Variants in TRIM2 observed in about 807,000 individuals in gnomAD.
The protein encoded by TRIM2 is tripartite motif-containing protein 2.
In TRIM2, 20 loss-of-function variants were observed where a neutral mutation model predicts 75.2. That is an observed-to-expected ratio of 0.27 (90% CI 0.19 to 0.39). TRIM2 has a LOEUF of 0.39. Ranked by LOEUF, TRIM2 falls within the 10% of genes least tolerant of loss-of-function variation. The pLI is 1.00. For missense variants in TRIM2, 660 were observed against 990.8 expected (o/e 0.67, Z 4.48); for synonymous variants, 373 against 388.3 (o/e 0.96, Z 0.46).
intron 8 of TRIM2, among the ~76,000 whole-genome samples, chr4:153,321,370 G>A (rs577950558): frequency 1.2e-4 from 19 of 152,252 alleles, no homozygotes; most frequent in African/African-American, 3.6e-4. Flanking sequence ...TTCTTTATAC[G>A]TAGTCTAGAA....
At chr4:153,160,589 A>ATGTT (rs764210678) in intron 1 of TRIM2, among the ~76,000 whole-genome samples, 71 of 151,494 alleles carry the variant, frequency 4.7e-4, no homozygotes, top group East Asian at 1.2e-3. Flanking sequence ...GCTTCAAGGG[A>ATGTT]TGTTTGTTTG....
chr4:153,207,245 T>G (rs1177991192), intron 1 of TRIM2, among the ~76,000 whole-genome samples: 1 of 152,118 alleles, frequency 6.6e-6, no homozygotes, highest in Non-Finnish European at 1.5e-5. Context: ...TTCGCTAAAT[T>G]CCAGGAAGGG....
At chr4:153,275,372 T>A (rs1757779713) in intron 2 of TRIM2, among the ~76,000 whole-genome samples, 1 of 152,212 alleles carries the variant, frequency 6.6e-6, no homozygotes, top group South Asian at 2.1e-4. Context: ...TATTTCCACT[T>A]TGATGTGTTT....
chr4:153,235,370 G>A (rs948904112), intron 1 of TRIM2, among the ~76,000 whole-genome samples: 2 of 151,098 alleles, frequency 1.3e-5, no homozygotes, highest in African/African-American at 4.9e-5. Context: ...CTACAGCCTT[G>A]ACCTCCCGAG....
At position 153,273,270 on chromosome 4, in the gene TRIM2, C is replaced by CTTTTTTTTTTTTTTTTTTTTTTTT. The variant is rs72414117; in HGVS notation, c.216-2600_216-2599insTTTTTTTTTTTTTTTTTTTTTTTT. Among the ~76,000 whole-genome samples the CTTTTTTTTTTTTTTTTTTTTTTTT allele has an allele frequency of 3.0e-4, 17 of 57,390 alleles. 1 individual carries two copies. The highest frequency in any genetic ancestry group is 5.6e-4 in the African/African-American group (8 of 14,298). 37.7% of individuals were successfully genotyped at this position (57,390 alleles called of 152,430 possible). A position where few individuals can be genotyped will look rare whatever the true frequency, so the allele number is the denominator to read the frequency against. On this transcript the variant is annotated intron_variant, in intron 2 of 11. Coordinates refer to ENST00000338700, the MANE Select transcript of TRIM2 (RefSeq NM_015271.5). Reference sequence around the variant, plus strand: ...ACTCAGTGAGCACCTTACAGTCACTCTTTTTTTTTTTTTTTTTTTTTTTGA... The same window carrying CTTTTTTTTTTTTTTTTTTTTTTTT: ...ACTCAGTGAGCACCTTACAGTCACTCTTTTTTTTTTTTTTTTTTTTTTTTTTTTTTTTTTTTTTTTTTTTTTTGA...
At position 153,294,499 on chromosome 4, in the gene TRIM2, C is replaced by G; in HGVS notation, c.786+14C>G. The G allele has an allele frequency of 6.2e-7, 1 of 1,610,860 alleles. No homozygotes were observed. Among genetic ancestry groups the G allele is most frequent in the Non-Finnish European group, 8.5e-7 (1 of 1,177,922 alleles). The stretch of plus-strand genomic sequence containing the variant: ...CTCAAACACAAAGTAAGACCAGAAT[C>G]ATTACAGATGTCCTGGAAGAGACAT... On this transcript the variant is annotated intron_variant, in intron 5 of 11. Coordinates refer to ENST00000338700, the MANE Select transcript of TRIM2 (RefSeq NM_015271.5).
At chr4:153,301,182 C>T (rs1297858338) in intron 6 of TRIM2, among the ~76,000 whole-genome samples, 4 of 149,866 alleles carry the variant, frequency 2.7e-5, no homozygotes, top group Non-Finnish European at 5.9e-5. Flanking sequence ...CAGAGCGAGA[C>T]TCTATCTCAA....
intron 6 of TRIM2, among the ~76,000 whole-genome samples, chr4:153,299,016 G>A (rs937876302): frequency 2.6e-5 from 4 of 152,066 alleles, no homozygotes; most frequent in Non-Finnish European, 5.9e-5. Flanking sequence ...TGGGATTACC[G>A]GCGTGAGCCA....
At position 153,293,143 on chromosome 4, in the gene TRIM2, C is replaced by G. The variant is rs891133657; in HGVS notation, c.605+10C>G. 11 of 1,597,122 alleles carry G rather than the reference C, an allele frequency of 6.9e-6. No homozygotes were observed. Among genetic ancestry groups the G allele is most frequent in the Middle Eastern group, 3.7e-4 (2 of 5,354 alleles). On this transcript the variant is annotated intron_variant, in intron 4 of 11. Coordinates refer to ENST00000338700, the MANE Select transcript of TRIM2 (RefSeq NM_015271.5). ...ATGCTGTCAACAAAAGGTGGGGGAC[C>G]CCTCCCCAAACCCCCAACTGGCTGC...
At chr4:153,219,337 C>G (rs11721448) in intron 1 of TRIM2, among the ~76,000 whole-genome samples, 104,223 of 151,544 alleles carry the variant, frequency 0.69, 36,743 homozygotes, top group East Asian at 0.88. Flanking sequence ...GACTTCTGAT[C>G]CCTCAAATAA....
At chr4:153,289,158 A>G (rs1269385678) in intron 3 of TRIM2, among the ~76,000 whole-genome samples, 1 of 152,102 alleles carries the variant, frequency 6.6e-6, no homozygotes, top group Non-Finnish European at 1.5e-5. Flanking sequence ...TTGGAAACTG[A>G]ACATTTAAAG....
intron 6 of TRIM2, among the ~76,000 whole-genome samples, chr4:153,303,210 TC>T (rs1764279398): frequency 6.6e-6 from 1 of 152,092 alleles, no homozygotes; most frequent in East Asian, 1.9e-4. Context: ...ATGCCTGTAA[TC>T]CTGGCACTTT....
chr4:153,337,408 A>G lies in TRIM2; in HGVS notation c.*2442A>G. On this transcript the variant is annotated 3_prime_UTR_variant, in exon 12 of 12. Transcript: ENST00000338700. ...ACAAAGCTAATTTTTTTTACATGTC[A>G]ATATTGGCACAAACTGGAATGAAAG... The G allele has an allele frequency of 1.0e-6, 1 of 985,850 alleles. No homozygotes were observed. Among genetic ancestry groups the G allele is most frequent in the Non-Finnish European group, 1.2e-6 (1 of 829,928 alleles). The allele number at this position is 985,850 out of a possible 1,614,324, so 61.1% of individuals were successfully genotyped here.
At chr4:153,309,803 T>G (rs1765858763) in intron 6 of TRIM2, 1 of 152,078 alleles carries the variant, frequency 6.6e-6, no homozygotes, top group Non-Finnish European at 1.5e-5. Context: ...TTTTGTATTT[T>G]TAGTAGTAGG....
intron 6 of TRIM2, among the ~76,000 whole-genome samples, chr4:153,311,423 G>T (rs746287748): frequency 2.0e-5 from 3 of 151,280 alleles, no homozygotes; most frequent in Non-Finnish European, 4.4e-5. Flanking sequence ...ATTCTAGCAG[G>T]ATAGACAAAA....
chr4:153,251,488 A>G (rs557962403), intron 1 of TRIM2, among the ~76,000 whole-genome samples: 2 of 152,176 alleles, frequency 1.3e-5, no homozygotes, highest in Admixed American at 6.5e-5. Context: ...AATACTTTTC[A>G]TAAAGTTTTT....
chr4:153,282,712 G>C (rs1378603443), intron 3 of TRIM2, among the ~76,000 whole-genome samples: 1 of 151,956 alleles, frequency 6.6e-6, no homozygotes, highest in African/African-American at 2.4e-5. Context: ...TTCCCAGAGT[G>C]CTGGGATTAC....
chr4:153,155,756 T>C (rs985176068), intron 1 of TRIM2, among the ~76,000 whole-genome samples: 7 of 152,096 alleles, frequency 4.6e-5, no homozygotes, highest in Admixed American at 1.3e-4. Context: ...CCTGGATCCT[T>C]CCCCAGACTC....
chr4:153,200,716 G>GAAAAA (rs71598251), upstream of TRIM2, among the ~76,000 whole-genome samples: 68 of 130,932 alleles, frequency 5.2e-4, no homozygotes, highest in African/African-American at 1.8e-3. Flanking sequence ...TTTTTAGTAA[G>GAAAAA]AAAAAAAAAT....
Sources: allele counts gnomAD v4.1 joint callset (sites outside exome capture counted in the v4.1 genomes callset), GRCh38; gene constraint gnomAD v4.1.1; transcripts MANE v1.5; gene names NCBI Gene and HGNC (gene_info 2026-07-23, HGNC 2026-07-21).